Variants in ESRRG observed in about 807,000 individuals in gnomAD.
ESRRG encodes estrogen related receptor gamma, also known as estrogen-related receptor gamma.
A neutral mutation model predicts 44.0 loss-of-function variants in ESRRG; 13 were observed. The observed-to-expected ratio is 0.30, with a 90% CI of 0.19 to 0.47. ESRRG has a LOEUF of 0.47. ESRRG is among the 20% of genes least tolerant of loss of function. ESRRG has a pLI of 1.00. For synonymous variants in ESRRG, 215 were observed against 214.6 expected (o/e 1.00, Z -0.02); for missense variants, 395 against 580.6 (o/e 0.68, Z 3.29).
At chr1:216,575,834 G>C (rs1429920309) in intron 3 of ESRRG, among the ~76,000 whole-genome samples, 4 of 151,910 alleles carry the variant, frequency 2.6e-5, no homozygotes, top group Non-Finnish European at 4.4e-5. Flanking sequence ...TCATGATATG[G>C]GGCACATATA....
chr1:216,988,976 T>A (rs1050992688), intron 1 of ESRRG, among the ~76,000 whole-genome samples: 1 of 152,186 alleles, frequency 6.6e-6, no homozygotes, highest in Admixed American at 6.5e-5. Flanking sequence ...AGCCCTTTAA[T>A]TGGGATTACA....
At chr1:216,846,483 A>G (rs2095751795) in intron 2 of ESRRG, among the ~76,000 whole-genome samples, 1 of 152,152 alleles carries the variant, frequency 6.6e-6, no homozygotes. Flanking sequence ...CTGTAGTTAG[A>G]TACAATGAGT....
intron 5 of ESRRG, among the ~76,000 whole-genome samples, chr1:216,522,039 C>A (rs780160625): frequency 3.3e-5 from 5 of 152,066 alleles, no homozygotes; most frequent in Non-Finnish European, 2.9e-5. Context: ...ACAGCCATAA[C>A]AACATTTCGC....
At chr1:216,865,107 G>C (rs1421449735) in intron 2 of ESRRG, 1 of 136,348 alleles carries the variant, frequency 7.3e-6, no homozygotes, top group East Asian at 2.3e-4. Flanking sequence ...ATGAAGAAAA[G>C]AAGAAAGTTG....
intron 1 of ESRRG, among the ~76,000 whole-genome samples, chr1:216,966,642 T>C (rs1178364154): frequency 1.3e-5 from 2 of 152,096 alleles, no homozygotes; most frequent in African/African-American, 2.4e-5. Flanking sequence ...ATCATGGTGC[T>C]CAACTTCCGG....
intron 2 of ESRRG, among the ~76,000 whole-genome samples, chr1:216,807,297 C>T (rs918865489): frequency 2.6e-5 from 4 of 152,074 alleles, no homozygotes; most frequent in Admixed American, 2.6e-4. Context: ...AATGTGTTAC[C>T]ATTTTGTGGG....
intron 2 of ESRRG, among the ~76,000 whole-genome samples, chr1:216,777,072 C>T (rs1370287516): frequency 6.6e-6 from 1 of 152,164 alleles, no homozygotes; most frequent in Non-Finnish European, 1.5e-5. Context: ...TGAGGTACTA[C>T]TGGCATGATC....
intron 1 of ESRRG, among the ~76,000 whole-genome samples, chr1:216,975,077 G>C (rs1177738750): frequency 2.6e-5 from 4 of 152,040 alleles, no homozygotes; most frequent in Non-Finnish European, 5.9e-5. Context: ...ACAGACATAT[G>C]GTTTTGTTAC....
In ESRRG at chr1:216,973,967, C is replaced by T. The variant is rs146093583; in HGVS notation, c.-105-34294G>A. ...ACAAACTATATGTTCGGGCCACTTT[C>T]AAAAACTGTGTTATCCTAATTGTCC... On this transcript the variant is annotated intron_variant, in intron 1 of 7. Transcript: ENST00000359162. 4.6e-3 allele frequency among the ~76,000 whole-genome samples: 704 copies of T among 152,266 alleles called. 8 individuals are homozygous for T. The highest frequency in any genetic ancestry group is 0.016 in the African/African-American group (667 of 41,558).
intron 3 of ESRRG, among the ~76,000 whole-genome samples, chr1:216,643,783 C>T (rs2066938530): frequency 6.6e-6 from 1 of 152,186 alleles, no homozygotes. Context: ...AAGTCACCTC[C>T]TAAATTATGT....
intron 5 of ESRRG, among the ~76,000 whole-genome samples, chr1:216,544,479 G>T (rs1290243649): frequency 3.9e-5 from 6 of 152,042 alleles, no homozygotes; most frequent in Non-Finnish European, 8.8e-5. Flanking sequence ...GAATACGGGG[G>T]ATACCCAAAC....
At chr1:216,519,065 G>C in intron 6 of ESRRG, 87 bp downstream of exon 6, 1 of 1,214,786 alleles carries the variant, frequency 8.2e-7, no homozygotes, top group South Asian at 1.3e-5. Context: ...TACAAACCAG[G>C]TCTAGCAAAT....
intron 1 of ESRRG, among the ~76,000 whole-genome samples, chr1:216,689,428 G>T (rs1354895490): frequency 6.6e-6 from 1 of 152,036 alleles, no homozygotes; most frequent in East Asian, 1.9e-4. Flanking sequence ...AGAAATAATT[G>T]GAGAGACTGT....
intron 1 of ESRRG, among the ~76,000 whole-genome samples, chr1:217,066,674 A>G (rs1283565521): frequency 6.6e-6 from 1 of 152,256 alleles, no homozygotes; most frequent in Admixed American, 6.5e-5. Context: ...GGCACTGTTG[A>G]CATTTGGGGC....
chr1:216,536,251 C>G (rs947922613), intron 5 of ESRRG, among the ~76,000 whole-genome samples: 5 of 152,020 alleles, frequency 3.3e-5, no homozygotes, highest in East Asian at 1.9e-4. Context: ...AAAGAGCAAG[C>G]CTTTATATTT....
At chr1:216,910,023 G>A (rs1381352307) in intron 2 of ESRRG, among the ~76,000 whole-genome samples, 1 of 152,042 alleles carries the variant, frequency 6.6e-6, no homozygotes, top group Non-Finnish European at 1.5e-5. Context: ...TAAACTTAAA[G>A]GGGATAATTT....
chr1:216,607,420 A>G (rs553580077), intron 3 of ESRRG, among the ~76,000 whole-genome samples: 5 of 152,170 alleles, frequency 3.3e-5, no homozygotes, highest in Non-Finnish European at 7.4e-5. Context: ...GGTGAGCACA[A>G]TGGTCAGGAA....
At chr1:216,520,546 G>T (rs2045773525) in intron 5 of ESRRG, among the ~76,000 whole-genome samples, 1 of 152,032 alleles carries the variant, frequency 6.6e-6, no homozygotes. Context: ...ATATCAGAGG[G>T]ACTAGATCTG....
At chr1:216,842,891 T>C (rs1213679973) in intron 2 of ESRRG, among the ~76,000 whole-genome samples, 1 of 152,188 alleles carries the variant, frequency 6.6e-6, no homozygotes, top group Non-Finnish European at 1.5e-5. Context: ...ATATTATTCT[T>C]TTTTGAGCTG....
Sources: allele counts gnomAD v4.1 joint callset (sites outside exome capture counted in the v4.1 genomes callset), GRCh38; gene constraint gnomAD v4.1.1; transcripts MANE v1.5; gene names NCBI Gene and HGNC (gene_info 2026-07-23, HGNC 2026-07-21).